The following OAT variants were observed in gnomAD, a reference collection of about 807,000 sequenced individuals.
OAT encodes ornithine aminotransferase, also known as ornithine aminotransferase, mitochondrial.
OAT carries 35 observed loss-of-function variants against 48.4 expected under a neutral mutation model. That is an observed-to-expected ratio of 0.72 (90% confidence interval 0.55 to 0.96). The LOEUF (loss-of-function observed/expected upper bound fraction) is 0.96, where lower values mean the gene tolerates loss of function less well. Among genes scored for constraint, OAT ranks in the 40% least tolerant of loss-of-function variants. The pLI is 0.00. For missense variants in OAT, 438 were observed against 537.9 expected (o/e 0.81, Z 1.84); for synonymous variants, 182 against 198.4 (o/e 0.92, Z 0.70).
chr10:124,401,050 G>A (rs1354655624), intron 8 of OAT, 66 bp from the exon 9 acceptor site: 24 of 1,179,018 alleles, frequency 2.0e-5, no homozygotes, highest in Non-Finnish European at 3.0e-5. Context: ...GAGGACAACG[G>A]GGACTGTAAA....
In OAT at chr10:124,408,515, T is replaced by C. The variant is rs78951658; in HGVS notation, c.520+27A>G. On this transcript the variant is annotated intron_variant, in intron 4 of 9. Coordinates refer to ENST00000368845, the MANE Select transcript of OAT (RefSeq NM_000274.4). The stretch of plus-strand genomic sequence containing the variant: ...TAAATTATATTGTATGTTTCAATCA[T>C]AGAAGTTAATATTTAATTTCACATA... 121,600 of 1,547,582 alleles carry C rather than the reference T, an allele frequency of 0.079. 5,447 individuals carry two copies. The highest frequency in any genetic ancestry group is 0.083 in the Non-Finnish European group (93,387 of 1,122,242).
rs1471524483 is a variant in OAT, at chr10:124,401,846, GAC to G, written c.901-9_901-8del. 3 of 1,595,042 alleles carry G rather than the reference GAC, an allele frequency of 1.9e-6. No individual in the cohort carries two copies. The South Asian group carries it at 3.3e-5, about 18-fold the overall frequency. ...CACACAGCACTGCAGACACCTGAAA[GAC>G]AGTCAATTCACCATGTCATTTCTCA... On this transcript the variant is annotated splice_polypyrimidine_tract_variant and splice_region_variant and intron_variant, in intron 7 of 9. Coordinates refer to ENST00000368845, the MANE Select transcript of OAT (RefSeq NM_000274.4).
chr10:124,400,644 T>C (rs1302711982), intron 9 of OAT, among the ~76,000 whole-genome samples, 196 bp downstream of exon 9: 2 of 151,970 alleles, frequency 1.3e-5, no homozygotes, highest in Non-Finnish European at 2.9e-5. Flanking sequence ...TCCCAGCTAC[T>C]CAGGAGGCTG....
In OAT at chr10:124,408,824, G is replaced by C. The variant is rs920929439; in HGVS notation, c.341C>G (p.Ala114Gly). 6.2e-7 allele frequency: 1 copy of C among 1,612,564 alleles called. No individual in the cohort carries two copies. The highest frequency in any genetic ancestry group is 8.5e-7 in the Non-Finnish European group (1 of 1,179,818). ...QVDKLTLTSR[A>G]FYNNVLGEYE... The stretch of plus-strand genomic sequence containing the variant: ...TTCACCAAGTACGTTATTATAGAAA[G>C]CTCTAGATGTTAAGGTCAATTTGTC... The change falls in exon 3 of 10, where the codon GCT (alanine) becomes GGT (glycine). Residue 114 changes from alanine (A) to glycine (G), a missense_variant. Transcript: ENST00000368845.
intron 1 of OAT, chr10:124,414,237 G>C (rs1951846219): frequency 6.6e-6 from 1 of 152,164 alleles, no homozygotes; most frequent in African/African-American, 2.4e-5. Flanking sequence ...ATAATACTTG[G>C]AGTTTGGCTT....
At chr10:124,416,866 T>TAAAA (rs5788661) in intron 1 of OAT, among the ~76,000 whole-genome samples, 1 of 144,420 alleles carries the variant, frequency 6.9e-6, no homozygotes, top group Non-Finnish European at 1.5e-5. Flanking sequence ...TACAGGCCTT[T>TAAAA]AAAAAAAAAA....
At chr10:124,408,344 T>TATATATATATATATA (rs1491272664) in intron 4 of OAT, among the ~76,000 whole-genome samples, 198 bp downstream of exon 4, 1 of 81,872 alleles carries the variant, frequency 1.2e-5, no homozygotes, top group Non-Finnish European at 2.4e-5. Context: ...TATATATATA[T>TATATATATATATATA]TTTTTTTTTT....
intron 1 of OAT, among the ~76,000 whole-genome samples, chr10:124,416,631 A>G (rs1951926247): frequency 6.6e-6 from 1 of 152,172 alleles, no homozygotes; most frequent in African/African-American, 2.4e-5. Flanking sequence ...TACTCCCTCC[A>G]TCTAGCCCAT....
chr10:124,410,654 C>T (rs1017038684), intron 2 of OAT, among the ~76,000 whole-genome samples: 5 of 151,948 alleles, frequency 3.3e-5, no homozygotes, highest in Non-Finnish European at 5.9e-5. Flanking sequence ...AAAAATAAGC[C>T]AGGCATGGTA....
At chr10:124,404,907 G>A (rs1339970596) in intron 5 of OAT, among the ~76,000 whole-genome samples, 1 of 152,136 alleles carries the variant, frequency 6.6e-6, no homozygotes, top group Non-Finnish European at 1.5e-5. Flanking sequence ...AGTTGGGTGT[G>A]GTGGTGTGTG....
intron 1 of OAT, among the ~76,000 whole-genome samples, chr10:124,417,412 G>A (rs1178723669): frequency 2.7e-5 from 4 of 150,720 alleles, no homozygotes; most frequent in Non-Finnish European, 5.9e-5. Flanking sequence ...AGCCTCCCGA[G>A]TAGCTGGGAT....
chr10:124,410,867 G>C (rs140022932), intron 2 of OAT, among the ~76,000 whole-genome samples: 1 of 151,952 alleles, frequency 6.6e-6, no homozygotes, highest in African/African-American at 2.4e-5. Context: ...GTGGCGGGGC[G>C]CGGTGGCTCA....
chr10:124,408,765 G>C lies in OAT; in HGVS notation c.400C>G (p.His134Asp). The change falls in exon 3 of 10, where the codon CAC (histidine) becomes GAC (aspartate). Residue 134 changes from histidine (H) to aspartate (D), a missense_variant. By Grantham distance (81) the His-to-Asp change is moderately conservative. Transcript: ENST00000368845. Reference protein sequence around the residue: ...EEYITKLFNYHKVLPMNTGVE... With the variant: ...EEYITKLFNYDKVLPMNTGVE... ...CCTGTATTCATAGGAAGAACTTTGTGGTAGTTGAAAAGTTTAGTAATATAC... is the reference window on the plus strand; with the variant it reads ...CCTGTATTCATAGGAAGAACTTTGTCGTAGTTGAAAAGTTTAGTAATATAC... 6.2e-7 allele frequency: 1 copy of C among 1,609,080 alleles called. No individual in the cohort carries two copies. Among genetic ancestry groups the C allele is most frequent in the African/African-American group, 1.3e-5 (1 of 74,912 alleles).
In OAT at chr10:124,404,578, C is replaced by T. The variant is rs143279259; in HGVS notation, c.649-658G>A. 4.9e-3 allele frequency among the ~76,000 whole-genome samples: 750 copies of T among 152,092 alleles called. 5 individuals are homozygous for T. Among genetic ancestry groups the T allele is most frequent in the African/African-American group, 0.017 (713 of 41,458 alleles). ...CTGCGATTACAGGCGTGAGTCACCGCGCCTGACCTTGATTTTTAAATTTTT... is the reference window on the plus strand; with the variant it reads ...CTGCGATTACAGGCGTGAGTCACCGTGCCTGACCTTGATTTTTAAATTTTT... On this transcript the variant is annotated intron_variant, in intron 5 of 9. Transcript: ENST00000368845.
intron 1 of OAT, among the ~76,000 whole-genome samples, chr10:124,418,441 G>A (rs1036595802): frequency 6.6e-6 from 1 of 152,218 alleles, no homozygotes; most frequent in Non-Finnish European, 1.5e-5. Flanking sequence ...GAACCCCGGG[G>A]CGCCTCGGGG....
Position 124,402,804 on chromosome 10 carries a change from C to T in OAT, c.900+123G>A. The T allele has an allele frequency of 3.0e-6, 4 of 1,323,022 alleles. No individual in the cohort carries two copies. The South Asian group carries it at 3.7e-5, about 12-fold the overall frequency. The allele number at this position is 1,323,022 out of a possible 1,614,324, so 82.0% of individuals were successfully genotyped here. On this transcript the variant is annotated intron_variant, in intron 7 of 9. Transcript: ENST00000368845. The stretch of plus-strand genomic sequence containing the variant: ...TATTACAGATATTCCGGGTGGCCTG[C>T]AGCACACTTGGTAAAATCAAACAAT...
At chr10:124,417,800 T>A (rs1307340754) in intron 1 of OAT, among the ~76,000 whole-genome samples, 1 of 152,238 alleles carries the variant, frequency 6.6e-6, no homozygotes, top group Non-Finnish European at 1.5e-5. Context: ...ATTTGGAAAC[T>A]GAACATTAGT....
Position 124,401,782 on chromosome 10 carries a change from C to T in OAT, c.958G>A (p.Gly320Arg). The change falls in exon 8 of 10, where the codon GGG becomes AGG. Residue 320 changes from glycine (G) to arginine (R), a missense_variant. By Grantham distance (125) the Gly-to-Arg change is moderately radical. Transcript: ENST00000368845. ...IMLTIKPGEH[G>R]STYGGNPLGC... ...AGTGGATTGCCACCGTATGTGGACCCATGCTCCCCTGGCTTAATGGTCAGC... is the reference window on the plus strand; with the variant it reads ...AGTGGATTGCCACCGTATGTGGACCTATGCTCCCCTGGCTTAATGGTCAGC... 6.2e-7 allele frequency: 1 copy of T among 1,613,372 alleles called. No individual in the cohort carries two copies. The highest frequency in any genetic ancestry group is 8.5e-7 in the Non-Finnish European group (1 of 1,179,850).
In OAT at chr10:124,398,062, A is replaced by G; in HGVS notation, c.1200T>C (p.Asn400=). 6.2e-7 allele frequency: 1 copy of G among 1,614,182 alleles called. No homozygotes were observed. The highest frequency in any genetic ancestry group is 8.5e-7 in the Non-Finnish European group (1 of 1,180,012). Reference sequence around the variant, plus strand: ...CATGGGTTGGCTTGGCCAGAAGTCCATTATCTCGAAGTCGTAGACACACCT... The same window carrying G: ...CATGGGTTGGCTTGGCCAGAAGTCCGTTATCTCGAAGTCGTAGACACACCT... ...AWKVCLRLRD[N]GLLAKPTHGD... is the part of the protein sequence containing the mutation. Residue 400 remains asparagine, a synonymous_variant, in exon 10 of 10, where the codon AAT becomes AAC. Coordinates refer to ENST00000368845, the MANE Select transcript of OAT (RefSeq NM_000274.4).
Sources: gnomAD v4.1 joint callset for allele counts (sites outside exome capture counted in the v4.1 genomes callset) on GRCh38, gnomAD v4.1.1 for gene constraint, MANE v1.5 for transcripts, NCBI Gene and HGNC (gene_info 2026-07-23, HGNC 2026-07-21) for gene names.